LRRC3B: variants seen among roughly 807,000 people sequenced by gnomAD.
LRRC3B encodes leucine rich repeat containing 3B, also known as leucine-rich repeat-containing protein 3B.
LRRC3B carries 2 observed loss-of-function variants against 12.8 expected under a neutral mutation model. The observed-to-expected ratio is 0.16, with a 90% CI of 0.06 to 0.49. LRRC3B has a LOEUF of 0.49. LRRC3B is among the 20% of genes least tolerant of loss of function. The pLI, the probability that LRRC3B is intolerant of heterozygous loss-of-function variation, is 0.96. For synonymous variants in LRRC3B, 132 were observed against 122.0 expected (o/e 1.08, Z -0.54); for missense variants, 189 against 319.4 (o/e 0.59, Z 3.11).
intron 1 of LRRC3B, among the ~76,000 whole-genome samples, chr3:26,685,210 C>T (rs768586769): frequency 6.6e-6 from 1 of 152,084 alleles, no homozygotes; most frequent in Non-Finnish European, 1.5e-5. Context: ...ACCTTGGCCT[C>T]TCAAAATGCT....
chr3:26,708,074 A>G (rs1373982044), intron 1 of LRRC3B, among the ~76,000 whole-genome samples: 1 of 152,174 alleles, frequency 6.6e-6, no homozygotes, highest in Non-Finnish European at 1.5e-5. Context: ...GAGTTTGGTA[A>G]CATTTGGAGT....
At chr3:26,644,141 T>C (rs1023741981) in intron 1 of LRRC3B, among the ~76,000 whole-genome samples, 1 of 152,186 alleles carries the variant, frequency 6.6e-6, no homozygotes, top group African/African-American at 2.4e-5. Flanking sequence ...GAGGAATCAT[T>C]TAAATAAGTT....
At chr3:26,666,277 G>C (rs1195555170) in intron 1 of LRRC3B, among the ~76,000 whole-genome samples, 1 of 152,026 alleles carries the variant, frequency 6.6e-6, no homozygotes, top group African/African-American at 2.4e-5. Context: ...TAATAGTGGA[G>C]AAGAAAAGGA....
chr3:26,683,579 A>C (rs1474595099), intron 1 of LRRC3B, among the ~76,000 whole-genome samples: 1 of 152,234 alleles, frequency 6.6e-6, no homozygotes, highest in Non-Finnish European at 1.5e-5. Context: ...GCCGTATTCA[A>C]AGTCCTTGTC....
intron 1 of LRRC3B, among the ~76,000 whole-genome samples, chr3:26,667,333 C>T (rs184913219): frequency 6.6e-6 from 1 of 152,254 alleles, no homozygotes; most frequent in African/African-American, 2.4e-5. Flanking sequence ...TGCAAAGCTC[C>T]ATACCTCCTT....
At chr3:26,686,742 C>T (rs1173072322) in intron 1 of LRRC3B, among the ~76,000 whole-genome samples, 1 of 152,072 alleles carries the variant, frequency 6.6e-6, no homozygotes, top group Non-Finnish European at 1.5e-5. Flanking sequence ...TAAGGAGTAC[C>T]CTTGGGATCA....
intron 1 of LRRC3B, among the ~76,000 whole-genome samples, chr3:26,698,490 G>C (rs1700374501): frequency 6.6e-6 from 1 of 152,022 alleles, no homozygotes; most frequent in Non-Finnish European, 1.5e-5. Flanking sequence ...GAGGGGATAA[G>C]CCTTACTCTA....
intron 1 of LRRC3B, among the ~76,000 whole-genome samples, chr3:26,667,052 T>A (rs1699619457): frequency 6.6e-6 from 1 of 150,628 alleles, no homozygotes; most frequent in Non-Finnish European, 1.5e-5. Context: ...CTGGGCTCCT[T>A]GAATTCTAGT....
intron 1 of LRRC3B, among the ~76,000 whole-genome samples, chr3:26,669,843 G>C (rs1342924123): frequency 6.6e-6 from 1 of 152,100 alleles, no homozygotes; most frequent in African/African-American, 2.4e-5. Flanking sequence ...AGTTTATGTT[G>C]CTTTGGTTTG....
chr3:26,693,026 G>A (rs7634790), intron 1 of LRRC3B, among the ~76,000 whole-genome samples: 50,617 of 152,046 alleles, frequency 0.33, 11,535 homozygotes, highest in African/African-American at 0.63. Context: ...TGATGGCTGG[G>A]CAGGGTTCTA....
intron 1 of LRRC3B, among the ~76,000 whole-genome samples, chr3:26,686,035 A>G (rs1700081321): frequency 6.6e-6 from 1 of 152,142 alleles, no homozygotes; most frequent in Non-Finnish European, 1.5e-5. Flanking sequence ...TAGGATTCAT[A>G]TAGACTATAC....
At chr3:26,694,139 G>T (rs533761123) in intron 1 of LRRC3B, among the ~76,000 whole-genome samples, 1 of 152,276 alleles carries the variant, frequency 6.6e-6, no homozygotes, top group Admixed American at 6.5e-5. Flanking sequence ...GAATATTTAG[G>T]TAAAGTGTGA....
intron 1 of LRRC3B, among the ~76,000 whole-genome samples, chr3:26,633,874 A>C (rs1698810976): frequency 6.6e-6 from 1 of 152,164 alleles, no homozygotes; most frequent in African/African-American, 2.4e-5. Context: ...TGTTGCCTGC[A>C]CCAATATAGG....
intron 1 of LRRC3B, among the ~76,000 whole-genome samples, chr3:26,686,788 G>A (rs1381206609): frequency 6.6e-6 from 1 of 152,092 alleles, no homozygotes; most frequent in African/African-American, 2.4e-5. Flanking sequence ...ATGGCAAGAA[G>A]GAGAAGATAA....
At chr3:26,701,942 T>C (rs901828) in intron 1 of LRRC3B, among the ~76,000 whole-genome samples, 542 of 152,304 alleles carry the variant, frequency 3.6e-3, no homozygotes, top group Non-Finnish European at 6.3e-3. Flanking sequence ...AGAATTTCAG[T>C]TTTACCATCC....
At chr3:26,629,409 A>C (rs1298410110) in intron 1 of LRRC3B, among the ~76,000 whole-genome samples, 5 of 152,252 alleles carry the variant, frequency 3.3e-5, no homozygotes, top group Admixed American at 6.5e-5. Context: ...CTAAAGCTAA[A>C]GCACAAAGGT....
intron 1 of LRRC3B, among the ~76,000 whole-genome samples, chr3:26,695,894 C>T (rs890510692): frequency 5.9e-5 from 9 of 152,196 alleles, no homozygotes; most frequent in Admixed American, 5.2e-4. Flanking sequence ...TTTCGGCCTC[C>T]TCAGGCTGTT....
At chr3:26,636,243 A>G (rs1698867680) in intron 1 of LRRC3B, among the ~76,000 whole-genome samples, 2 of 152,198 alleles carry the variant, frequency 1.3e-5, no homozygotes, top group Non-Finnish European at 2.9e-5. Context: ...CTTTAAAAAA[A>G]AGAGAGAGAA....
intron 1 of LRRC3B, chr3:26,625,584 G>A (rs1436208453): frequency 6.6e-6 from 1 of 152,138 alleles, no homozygotes; most frequent in Non-Finnish European, 1.5e-5. Context: ...TTTCTTTCTG[G>A]GTGCTTATCT....
Sources: allele counts gnomAD v4.1 joint callset (sites outside exome capture counted in the v4.1 genomes callset), GRCh38; gene constraint gnomAD v4.1.1; transcripts MANE v1.5; gene names NCBI Gene and HGNC (gene_info 2026-07-23, HGNC 2026-07-21).